CMIP: variants seen among roughly 807,000 people sequenced by gnomAD.
CMIP encodes the protein c-Maf inducing protein.
CMIP carries 13 observed loss-of-function variants against 97.3 expected under a neutral mutation model. The ratio of observed to expected loss-of-function variants is 0.13; its 90% CI spans 0.09 to 0.21. The LOEUF (loss-of-function observed/expected upper bound fraction) is 0.21, where lower values mean the gene tolerates loss of function less well. CMIP is among the 10% of genes least tolerant of loss of function. The pLI, the probability that CMIP is intolerant of heterozygous loss-of-function variation, is 1.00. For synonymous variants in CMIP, 538 were observed against 436.3 expected, an observed-to-expected ratio of 1.23 and a Z score of -2.91; for missense variants, 847 against 1,024.9, an observed-to-expected ratio of 0.83 and a Z score of 2.37.
chr16:81,690,266 A>C (rs1044973518), intron 10 of CMIP, among the ~76,000 whole-genome samples: 2 of 152,146 alleles, frequency 1.3e-5, no homozygotes, highest in African/African-American at 4.8e-5. Context: ...TTTTCACGAT[A>C]TTGATTCTTC....
rs778413546 is a variant in CMIP at position 81,664,308 on chromosome 16, G to A, written c.784G>A (p.Val262Met). Residue 262 changes from valine (V) to methionine (M), a missense_variant, in exon 7 of 21, where the codon GTG becomes ATG. This residue lies in a region of CMIP where 285 missense variants were observed against 392.2 expected (regional missense o/e 0.73). Coordinates refer to ENST00000537098, the MANE Select transcript of CMIP (RefSeq NM_198390.3). ...ERPRSMVVIE[V>M]FTPVVQRILK... ...GCCCCGGTCCATGGTGGTCATCGAG[G>A]TGTTCACCCCCGTGGTGCAGCGAAT... 1.2e-6 allele frequency: 2 copies of A among 1,602,968 alleles called. No individual in the cohort carries two copies. The highest frequency in any genetic ancestry group is 1.1e-5 in the South Asian group (1 of 88,420).
intron 3 of CMIP, among the ~76,000 whole-genome samples, chr16:81,642,649 C>G (rs1301754741): frequency 2.0e-5 from 3 of 152,142 alleles, no homozygotes; most frequent in Admixed American, 2.0e-4. Flanking sequence ...AAAGAAATTG[C>G]AGTGTATCTG....
chr16:81,618,307 T>G (rs948750688), intron 2 of CMIP, among the ~76,000 whole-genome samples: 6 of 152,164 alleles, frequency 3.9e-5, no homozygotes, highest in Admixed American at 3.3e-4. Flanking sequence ...CATGGCCACA[T>G]CACTCTGACC....
At chr16:81,535,117 A>T (rs1282135047) in intron 1 of CMIP, among the ~76,000 whole-genome samples, 1 of 151,942 alleles carries the variant, frequency 6.6e-6, no homozygotes, top group Admixed American at 6.6e-5. Flanking sequence ...TGCCCAGCTA[A>T]TTTTTTGTAC....
intron 3 of CMIP, among the ~76,000 whole-genome samples, chr16:81,639,093 C>T (rs2092272734): frequency 6.6e-6 from 1 of 152,138 alleles, no homozygotes; most frequent in African/African-American, 2.4e-5. Flanking sequence ...AGCTCAGGAC[C>T]AGGGGGTGAC....
At chr16:81,566,295 G>C (rs573279158) in intron 1 of CMIP, among the ~76,000 whole-genome samples, 2 of 152,204 alleles carry the variant, frequency 1.3e-5, no homozygotes, top group Non-Finnish European at 2.9e-5. Flanking sequence ...ACCAGGCCCC[G>C]TACCTGGTCT....
At chr16:81,557,485 G>C (rs955640694) in intron 1 of CMIP, among the ~76,000 whole-genome samples, 1 of 152,172 alleles carries the variant, frequency 6.6e-6, no homozygotes, top group East Asian at 1.9e-4. Context: ...GGAGTATAAT[G>C]TGATAATTTA....
intron 1 of CMIP, among the ~76,000 whole-genome samples, chr16:81,466,029 T>C (rs1907183077): frequency 7.3e-6 from 1 of 136,538 alleles, no homozygotes; most frequent in South Asian, 2.3e-4. Flanking sequence ...TTTTCTTCTC[T>C]CTTGTTTTCA....
intron 13 of CMIP, chr16:81,695,376 A>G (rs753108): frequency 0.24 from 36,756 of 152,204 alleles, 4,550 homozygotes; most frequent in Non-Finnish European, 0.25. Context: ...TGAAGTCGAT[A>G]AGGGAACCCT....
chr16:81,466,855 T>G (rs1238137068), intron 1 of CMIP, among the ~76,000 whole-genome samples: 1 of 152,214 alleles, frequency 6.6e-6, no homozygotes, highest in East Asian at 1.9e-4. Context: ...GAGGCTGTTG[T>G]TCCTTCACCA....
chr16:81,689,831 A>G (rs1905848199), intron 10 of CMIP, among the ~76,000 whole-genome samples: 1 of 152,320 alleles, frequency 6.6e-6, no homozygotes, highest in Non-Finnish European at 1.5e-5. Flanking sequence ...TAATTTTTGC[A>G]TAAGGTGTAA....
At chr16:81,669,127 C>T (rs1296296826) in intron 7 of CMIP, among the ~76,000 whole-genome samples, 3 of 133,278 alleles carry the variant, frequency 2.3e-5, no homozygotes, top group Admixed American at 2.1e-4. Context: ...CACTCACCTC[C>T]TTCCACACCC....
intron 1 of CMIP, among the ~76,000 whole-genome samples, chr16:81,482,915 C>T (rs567651405): frequency 9.2e-5 from 14 of 152,362 alleles, no homozygotes; most frequent in African/African-American, 2.9e-4. Context: ...CCTGCTTGCT[C>T]GTCCGTTCAG....
chr16:81,493,607 G>A (rs1272973392), intron 1 of CMIP, among the ~76,000 whole-genome samples: 2 of 152,238 alleles, frequency 1.3e-5, no homozygotes, highest in Non-Finnish European at 2.9e-5. Flanking sequence ...TGAATCTTCC[G>A]GCAGTGTGGC....
chr16:81,627,076 G>A lies in CMIP; in HGVS notation c.477+6150G>A, dbSNP rs913212425. Among the ~76,000 whole-genome samples the A allele has an allele frequency of 1.4e-5, 2 of 146,932 alleles. No homozygotes were observed. The highest frequency in any genetic ancestry group is 3.0e-5 in the Non-Finnish European group (2 of 66,856). On this transcript the variant is annotated intron_variant, in intron 3 of 20. Transcript: ENST00000537098. This position sits in a 1 kb window ranked among gnomAD's most constrained non-coding sequence, Gnocchi z 4.6. ...GTGACTGTTTTATGTGTGTGTTTGT[G>A]TATGTGTGGTGTGTGGGGGTGACTG...
In CMIP at chr16:81,641,116, C is replaced by A. The variant is rs1297541783; in HGVS notation, c.478-11087C>A. Among the ~76,000 whole-genome samples the A allele has an allele frequency of 1.3e-5, 2 of 152,170 alleles. 1 individual carries two copies. Among genetic ancestry groups the A allele is most frequent in the Non-Finnish European group, 2.9e-5 (2 of 68,040 alleles). Reference sequence around the variant, plus strand: ...TTAATGCAGATTCCCAGGCCTCGCCCAGCTCTGCTGAGCTGGAATCTGCAT... The same window carrying A: ...TTAATGCAGATTCCCAGGCCTCGCCAAGCTCTGCTGAGCTGGAATCTGCAT... On this transcript the variant is annotated intron_variant, in intron 3 of 20. Transcript: ENST00000537098.
At chr16:81,673,020 A>G (rs969337642) in intron 9 of CMIP, among the ~76,000 whole-genome samples, 1 of 152,212 alleles carries the variant, frequency 6.6e-6, no homozygotes, top group Admixed American at 6.5e-5. Flanking sequence ...TCAGAGGGTA[A>G]GAAAAACCGT....
intron 1 of CMIP, among the ~76,000 whole-genome samples, chr16:81,446,257 T>C (rs931909241): frequency 2.6e-5 from 4 of 152,158 alleles, no homozygotes; most frequent in Non-Finnish European, 5.9e-5. Flanking sequence ...AGTGTGTGTA[T>C]ACGTGTGTGT....
At chr16:81,531,405 C>G (rs1353977736) in intron 1 of CMIP, among the ~76,000 whole-genome samples, 1 of 152,242 alleles carries the variant, frequency 6.6e-6, no homozygotes, top group Non-Finnish European at 1.5e-5. Flanking sequence ...TTTAAGAAAG[C>G]ACATTGCTGA....
Sources: gnomAD v4.1 joint callset for allele counts (sites outside exome capture counted in the v4.1 genomes callset) on GRCh38, gnomAD v4.1.1 for gene constraint, gnomAD v4.1.1 regional missense constraint, Gnocchi (gnomAD v3.1) non-coding constraint, MANE v1.5 for transcripts, NCBI Gene and HGNC (gene_info 2026-07-23, HGNC 2026-07-21) for gene names.